DNAJA2: variants seen among roughly 807,000 people sequenced by gnomAD.
DNAJA2 encodes DnaJ heat shock protein family (Hsp40) member A2.
A neutral mutation model predicts 49.3 loss-of-function variants in DNAJA2; 6 were observed. The ratio of observed to expected loss-of-function variants is 0.12; its 90% CI spans 0.07 to 0.24. The LOEUF (loss-of-function observed/expected upper bound fraction) is 0.24. DNAJA2 is among the 10% of genes least tolerant of loss of function. DNAJA2 has a pLI of 1.00. For synonymous variants in DNAJA2, 160 were observed against 172.7 expected, an observed-to-expected ratio of 0.93 and a Z score of 0.58; for missense variants, 347 against 516.8, an observed-to-expected ratio of 0.67 and a Z score of 3.19.
At chr16:46,973,191 G>A (rs1259820340) in intron 1 of DNAJA2, among the ~76,000 whole-genome samples, 3 of 152,174 alleles carry the variant, frequency 2.0e-5, no homozygotes, top group Non-Finnish European at 4.4e-5. Context: ...CCTCCCGGGG[G>A]ATACCAGCCC....
At chr16:46,968,662 A>G (rs1314074718) in intron 3 of DNAJA2, among the ~76,000 whole-genome samples, 3 of 152,212 alleles carry the variant, frequency 2.0e-5, no homozygotes, top group Non-Finnish European at 4.4e-5. Context: ...CTACAAAGTT[A>G]TATTTCGGCT....
intron 1 of DNAJA2, 59 bp from the exon 2 acceptor site, chr16:46,972,014 A>T (rs1174235050): frequency 8.8e-7 from 1 of 1,133,898 alleles, no homozygotes; most frequent in Non-Finnish European, 1.3e-6. Context: ...AAAGTTTTGT[A>T]ATAACTTAAT....
Position 46,955,698 on chromosome 16 carries a change from G to T in DNAJA2, c.*1331C>A, listed in dbSNP as rs1205135613. 6.6e-6 allele frequency: 1 copy of T among 151,966 alleles called. No homozygotes were observed. The highest frequency in any genetic ancestry group is 1.5e-5 in the Non-Finnish European group (1 of 67,988). The allele number at this position is 151,966 out of a possible 1,614,324, so 9.4% of individuals were successfully genotyped here. A position where few individuals can be genotyped will look rare whatever the true frequency, so the allele number is the denominator to read the frequency against. On this transcript the variant is annotated 3_prime_UTR_variant, in exon 9 of 9. Coordinates refer to ENST00000317089, the MANE Select transcript of DNAJA2 (RefSeq NM_005880.4). The stretch of plus-strand genomic sequence containing the variant: ...TTTTAGTTTTCAGTTTTCCCCATTT[G>T]TTCCTTTATAAATGTAAAATTGTGC...
At chr16:46,962,074 T>TAC (rs1280979791) in intron 6 of DNAJA2, among the ~76,000 whole-genome samples, 1 of 152,216 alleles carries the variant, frequency 6.6e-6, no homozygotes, top group East Asian at 1.9e-4. Flanking sequence ...GACAACTAGC[T>TAC]ACATCTGCCT....
Position 46,967,776 on chromosome 16 carries a change from G to C in DNAJA2, c.444-130C>G, listed in dbSNP as rs114801127. The C allele has an allele frequency of 9.0e-4, 1,164 of 1,287,942 alleles. 9 individuals are homozygous for C. The African/African-American group carries it at 0.016, about 17-fold the overall frequency. 79.8% of individuals were successfully genotyped at this position (1,287,942 alleles called of 1,614,324 possible). On this transcript the variant is annotated intron_variant, in intron 4 of 8. Transcript: ENST00000317089. ...CTTGTATTTAAATTGACTTCCAGAAGTATCAGAAAACATTCTGCTAAGATT... is the reference window on the plus strand; with the variant it reads ...CTTGTATTTAAATTGACTTCCAGAACTATCAGAAAACATTCTGCTAAGATT...
intron 6 of DNAJA2, among the ~76,000 whole-genome samples, chr16:46,961,438 T>A (rs544670392): frequency 6.6e-6 from 1 of 151,038 alleles, no homozygotes; most frequent in African/African-American, 2.4e-5. Flanking sequence ...CCTATAATCC[T>A]AGCACTTTGG....
chr16:46,958,174 C>T (rs1402410203), intron 8 of DNAJA2, among the ~76,000 whole-genome samples: 1 of 151,976 alleles, frequency 6.6e-6, no homozygotes, highest in Non-Finnish European at 1.5e-5. Context: ...AAGCATTAGC[C>T]AGGTGTGGTG....
rs1419501601 is a variant in DNAJA2 at position 46,967,579 on chromosome 16, T to C, written c.511A>G (p.Ile171Val). The change falls in exon 5 of 9, where the codon ATC (isoleucine) becomes GTC (valine). Residue 171 changes from isoleucine to valine, a missense_variant. Coordinates refer to ENST00000317089, the MANE Select transcript of DNAJA2 (RefSeq NM_005880.4). ...ACCATCCCTGGAGCCAGCTGTCTGATCATGATGCGCACACCTCGACCTCGA... is the reference window on the plus strand; with the variant it reads ...ACCATCCCTGGAGCCAGCTGTCTGACCATGATGCGCACACCTCGACCTCGA... ...ACRGRGVRIMIRQLAPGMVQQ... is the reference protein window; with the variant it reads ...ACRGRGVRIMVRQLAPGMVQQ... The C allele has an allele frequency of 1.2e-6, 2 of 1,614,200 alleles. No individual in the cohort carries two copies. Among genetic ancestry groups the C allele is most frequent in the Non-Finnish European group, 1.7e-6 (2 of 1,180,050 alleles).
chr16:46,966,597 T>TA (rs1961974706), intron 5 of DNAJA2, among the ~76,000 whole-genome samples: 1 of 152,186 alleles, frequency 6.6e-6, no homozygotes, highest in Non-Finnish European at 1.5e-5. Context: ...TATGTGTTTT[T>TA]ATAATTAAAA....
At chr16:46,962,877 T>C (rs911835157) in intron 6 of DNAJA2, among the ~76,000 whole-genome samples, 7 of 152,160 alleles carry the variant, frequency 4.6e-5, no homozygotes, top group Non-Finnish European at 1.0e-4. Context: ...TTGTGAGGGA[T>C]TACTACCAAA....
chr16:46,957,796 C>T (rs760337370), intron 8 of DNAJA2, among the ~76,000 whole-genome samples: 1 of 152,098 alleles, frequency 6.6e-6, no homozygotes, highest in African/African-American at 2.4e-5. Flanking sequence ...GACACACCTT[C>T]CTGCATCCGG....
intron 1 of DNAJA2, chr16:46,972,492 G>A (rs1962067194): frequency 6.5e-6 from 1 of 153,824 alleles, no homozygotes; most frequent in South Asian, 2.0e-4. Flanking sequence ...TGGGGTCGTG[G>A]TGGCAACTTC....
At position 46,959,125 on chromosome 16, in the gene DNAJA2, C is replaced by T; in HGVS notation, c.925G>A (p.Val309Ile). The T allele has an allele frequency of 1.9e-6, 3 of 1,602,540 alleles. No individual in the cohort carries two copies. The highest frequency in any genetic ancestry group is 1.7e-6 in the Non-Finnish European group (2 of 1,174,726). ...PPGKVIEPGC[V>I]RVVRGEGMPQ... is the part of the protein sequence containing the mutation. ...ATCCCTTCACCTCGAACTACACGAA[C>T]ACACCCTATTATTTAAGAGGAAATG... is the stretch of plus-strand genomic sequence containing the variant. The change falls in exon 8 of 9, where the codon GTT becomes ATT. Residue 309 changes from valine (V) to isoleucine (I), a missense_variant. Coordinates refer to ENST00000317089, the MANE Select transcript of DNAJA2 (RefSeq NM_005880.4).
At chr16:46,957,376 G>A (rs1325963741) in intron 8 of DNAJA2, among the ~76,000 whole-genome samples, 156 bp from the exon 9 acceptor site, 4 of 152,076 alleles carry the variant, frequency 2.6e-5, no homozygotes, top group East Asian at 3.8e-4. Context: ...AGGCTGAGGC[G>A]GGCGGATAAT....
chr16:46,965,254 C>T (rs1265811379), intron 5 of DNAJA2, among the ~76,000 whole-genome samples: 1 of 152,138 alleles, frequency 6.6e-6, no homozygotes, highest in Non-Finnish European at 1.5e-5. Flanking sequence ...CAAAAACTTA[C>T]ATCTTACTAC....
chr16:46,964,178 A>G (rs1961936824), intron 6 of DNAJA2, among the ~76,000 whole-genome samples: 1 of 152,154 alleles, frequency 6.6e-6, no homozygotes, highest in African/African-American at 2.4e-5. Context: ...GCTTGAGACC[A>G]GCCTGACCAA....
intron 6 of DNAJA2, chr16:46,959,678 A>G (rs1261074679): frequency 2.8e-6 from 1 of 363,600 alleles, no homozygotes; most frequent in Non-Finnish European, 5.0e-6. Context: ...GAGGCCCTCA[A>G]AACAGTGCCA....
At chr16:46,961,626 G>A (rs987735938) in intron 6 of DNAJA2, among the ~76,000 whole-genome samples, 6 of 151,524 alleles carry the variant, frequency 4.0e-5, no homozygotes, top group African/African-American at 1.2e-4. Context: ...TACACATCAC[G>A]TTCTTGTACA....
chr16:46,971,441 G>T lies in DNAJA2; in HGVS notation c.270C>A (p.His90Gln). 6.2e-7 allele frequency: 1 copy of T among 1,614,020 alleles called. No individual in the cohort carries two copies. Residue 90 changes from histidine to glutamine, a missense_variant, in exon 3 of 9, where the codon CAC becomes CAA. By Grantham distance (24) the His-to-Gln change is conservative. Coordinates refer to ENST00000317089, the MANE Select transcript of DNAJA2 (RefSeq NM_005880.4). ...GGGGMDDIFS[H>Q]IFGGGLFGFM... ...AGCCGAACAATCCCCCACCAAAAAT[G>T]TGAGAGAAAATATCATCCATGCCAC...
Sources: allele counts gnomAD v4.1 joint callset (sites outside exome capture counted in the v4.1 genomes callset), GRCh38; gene constraint gnomAD v4.1.1; transcripts MANE v1.5; gene names NCBI Gene and HGNC (gene_info 2026-07-23, HGNC 2026-07-21).